The following PRDM16 variants were observed in gnomAD, a reference collection of about 807,000 sequenced individuals.
PRDM16 encodes PR/SET domain 16, also known as histone-lysine N-methyltransferase PRDM16.
A neutral mutation model predicts 110.6 loss-of-function variants in PRDM16; 23 were observed. The ratio of observed to expected loss-of-function variants is 0.21; its 90% CI spans 0.15 to 0.29. PRDM16 has a LOEUF of 0.29. PRDM16 is among the 10% of genes least tolerant of loss of function. PRDM16 has a pLI of 1.00. For missense variants in PRDM16, 1,615 were observed against 1,794.3 expected, an observed-to-expected ratio of 0.90 and a Z score of 1.81; for synonymous variants, 799 against 781.8, an observed-to-expected ratio of 1.02 and a Z score of -0.37.
chr1:3,184,040 G>A (rs776683974), intron 1 of PRDM16, among the ~76,000 whole-genome samples: 3 of 152,182 alleles, frequency 2.0e-5, no homozygotes, highest in Admixed American at 1.3e-4. Flanking sequence ...TCAGCGGGGC[G>A]GGGGTTATGG....
intron 3 of PRDM16, among the ~76,000 whole-genome samples, chr1:3,344,494 T>C (rs1642327095): frequency 6.6e-6 from 1 of 152,272 alleles, no homozygotes; most frequent in Admixed American, 6.5e-5. Flanking sequence ...TATTTTTAAA[T>C]CTGCTGATTC....
intron 1 of PRDM16, among the ~76,000 whole-genome samples, chr1:3,090,488 C>A (rs565081618): frequency 2.6e-5 from 4 of 152,252 alleles, no homozygotes; most frequent in Admixed American, 2.0e-4. Context: ...ACCCATGAAA[C>A]GTGGACATTC....
At position 3,430,892 on chromosome 1, in the gene PRDM16, A is replaced by C. The variant is rs778081039; in HGVS notation, c.3305A>C (p.Asp1102Ala). The change falls in exon 15 of 17, where the codon GAC becomes GCC. Residue 1102 changes from aspartate (D) to alanine (A), a missense_variant. Around this residue, in one of 5 missense-constraint regions of PRDM16, gnomAD observed 327 missense variants for 359.3 expected, o/e 0.91. Coordinates refer to ENST00000270722, the MANE Select transcript of PRDM16 (RefSeq NM_022114.4). ...TTCAGGGCGGACATGCAGATCGTGG[A>C]CGGCAGTGCCCAGTGTCCAGGCCTA... ...TEKRADMQIV[D>A]GSAQCPGLAS... 5.0e-6 allele frequency: 8 copies of C among 1,614,094 alleles called. No homozygotes were observed. Among genetic ancestry groups the C allele is most frequent in the African/African-American group, 1.3e-5 (1 of 75,048 alleles).
rs1159869407 is a variant in PRDM16 at position 3,433,967 on chromosome 1, TCAGATCCCA to T, written c.*157_*165del. 12 of 752,346 alleles carry T rather than the reference TCAGATCCCA, an allele frequency of 1.6e-5. No homozygotes were observed. In the Admixed American group the frequency reaches 3.5e-4, roughly 22 times the overall value. 46.6% of individuals were successfully genotyped at this position (752,346 alleles called of 1,614,324 possible). On this transcript the variant is annotated 3_prime_UTR_variant, in exon 17 of 17. Transcript: ENST00000270722. Reference sequence around the variant, plus strand: ...TCATTCCGACTTTTCCAATGGAAACTCAGATCCCAAAAGTCCCTAAAGCAGTCGTAGAGT... The same window carrying T: ...TCATTCCGACTTTTCCAATGGAAACTAAAGTCCCTAAAGCAGTCGTAGAGT...
chr1:3,381,620 A>G (rs934835822), intron 3 of PRDM16, among the ~76,000 whole-genome samples: 1 of 151,656 alleles, frequency 6.6e-6, no homozygotes, highest in Non-Finnish European at 1.5e-5. Flanking sequence ...TGAACTCCTG[A>G]CCTCAGGTGA....
intron 3 of PRDM16, among the ~76,000 whole-genome samples, chr1:3,366,208 C>A (rs899248506): frequency 6.6e-6 from 1 of 152,248 alleles, no homozygotes; most frequent in African/African-American, 2.4e-5. Flanking sequence ...GGAATGAATT[C>A]TTTCCTGCCA....
chr1:3,386,935 G>A (rs1569644256), intron 4 of PRDM16: 1 of 152,034 alleles, frequency 6.6e-6, no homozygotes, highest in South Asian at 2.1e-4. Context: ...CGGTAAAGTG[G>A]GTATCTTTAT....
At chr1:3,072,318 C>T (rs1412097713) in intron 1 of PRDM16, among the ~76,000 whole-genome samples, 1 of 152,184 alleles carries the variant, frequency 6.6e-6, no homozygotes, top group African/African-American at 2.4e-5. Flanking sequence ...CAGCTGGGGG[C>T]CTCTGTGCAG....
At chr1:3,099,722 A>G (rs924834569) in intron 1 of PRDM16, among the ~76,000 whole-genome samples, 3 of 152,316 alleles carry the variant, frequency 2.0e-5, no homozygotes, top group African/African-American at 7.2e-5. Context: ...GGGGCCACCC[A>G]CCAGGCCGCC....
intron 3 of PRDM16, among the ~76,000 whole-genome samples, chr1:3,274,287 G>A (rs1640532800): frequency 6.6e-6 from 1 of 152,084 alleles, no homozygotes; most frequent in Non-Finnish European, 1.5e-5. Context: ...GAGCAGTGGG[G>A]GCCTCCATTA....
At chr1:3,329,741 G>C (rs1005903015) in intron 3 of PRDM16, among the ~76,000 whole-genome samples, 1 of 152,230 alleles carries the variant, frequency 6.6e-6, no homozygotes, top group African/African-American at 2.4e-5. Context: ...CAGGAGAGTG[G>C]GCAGGGGCAC....
At position 3,143,570 on chromosome 1, in the gene PRDM16, C is replaced by G. The variant is rs995919249; in HGVS notation, c.38-42555C>G. Among the ~76,000 whole-genome samples, 1 of 152,154 alleles carries G rather than the reference C, an allele frequency of 6.6e-6. No homozygotes were observed. Among genetic ancestry groups the G allele is most frequent in the Admixed American group, 6.5e-5 (1 of 15,274 alleles). ...TCCGCTCACTGCAGTCTCTGCCTCC[C>G]GGGTTCAAGGATTCTCCTGCCTCAG... On this transcript the variant is annotated intron_variant, in intron 1 of 16. Transcript: ENST00000270722. This position sits in a 1 kb window ranked among gnomAD's most constrained non-coding sequence, Gnocchi z 4.5.
chr1:3,357,797 G>T (rs1189309059), intron 3 of PRDM16, among the ~76,000 whole-genome samples: 1 of 152,216 alleles, frequency 6.6e-6, no homozygotes, highest in Non-Finnish European at 1.5e-5. Context: ...GTCACCTCTG[G>T]GGGTGCTGCT....
chr1:3,176,060 CAA>C (rs1263463530), intron 1 of PRDM16, among the ~76,000 whole-genome samples: 2 of 151,930 alleles, frequency 1.3e-5, no homozygotes, highest in East Asian at 1.9e-4. Flanking sequence ...TCCATCCATC[CAA>C]CCATCCATCC....
At chr1:3,088,385 C>G (rs1642197333) in intron 1 of PRDM16, among the ~76,000 whole-genome samples, 1 of 152,118 alleles carries the variant, frequency 6.6e-6, no homozygotes, top group Non-Finnish European at 1.5e-5. Context: ...AATCCAGAAA[C>G]CAGTAACAAC....
intron 8 of PRDM16, among the ~76,000 whole-genome samples, chr1:3,408,504 G>A (rs764018970): frequency 9.2e-5 from 14 of 152,090 alleles, no homozygotes; most frequent in African/African-American, 3.1e-4. Context: ...GTGTGGGCGC[G>A]TGCACCGGTG....
rs1410438863 is a variant in PRDM16, at chr1:3,213,073, T to TC, written c.387+26603dup. Among the ~76,000 whole-genome samples the TC allele has an allele frequency of 6.6e-6, 1 of 152,076 alleles. No homozygotes were observed. Among genetic ancestry groups the TC allele is most frequent in the Non-Finnish European group, 1.5e-5 (1 of 68,014 alleles). On this transcript the variant is annotated intron_variant, in intron 2 of 16. Transcript: ENST00000270722. The surrounding 1 kb of genome is among the most constrained non-coding windows in gnomAD (Gnocchi z 5.3). ...TCGGCTCGCCCGCCTGCCGCACGCT[T>TC]CCCCGGGAGGCCGAGCTCAGGAAGA...
intron 1 of PRDM16, among the ~76,000 whole-genome samples, chr1:3,136,402 C>T (rs1360002578): frequency 6.6e-6 from 1 of 152,202 alleles, no homozygotes. Flanking sequence ...CCGACAGTCC[C>T]CGCCTTAGAG....
intron 1 of PRDM16, among the ~76,000 whole-genome samples, chr1:3,180,736 C>A (rs1030331666): frequency 3.8e-5 from 5 of 131,310 alleles, no homozygotes; most frequent in Admixed American, 7.2e-5. Context: ...TGAGGGGTCT[C>A]CAGACAGAAG....
Sources: gnomAD v4.1 joint callset for allele counts (sites outside exome capture counted in the v4.1 genomes callset) on GRCh38, gnomAD v4.1.1 for gene constraint, gnomAD v4.1.1 regional missense constraint, Gnocchi (gnomAD v3.1) non-coding constraint, MANE v1.5 for transcripts, NCBI Gene and HGNC (gene_info 2026-07-23, HGNC 2026-07-21) for gene names.